LRRTM4: variants seen among roughly 807,000 people sequenced by gnomAD.
LRRTM4 encodes leucine rich repeat transmembrane neuronal 4, also known as leucine-rich repeat transmembrane neuronal protein 4.
Under a neutral mutation model 47.6 loss-of-function variants are expected in LRRTM4, and 25 were observed. The observed-to-expected ratio is 0.53, with a 90% confidence interval of 0.38 to 0.73. LRRTM4 has a LOEUF of 0.73. Among genes scored for constraint, LRRTM4 ranks in the 30% least tolerant of loss-of-function variants. The pLI is 0.00. For missense variants in LRRTM4, 638 were observed against 713.4 expected, an observed-to-expected ratio of 0.89 and a Z score of 1.20; for synonymous variants, 311 against 269.5, an observed-to-expected ratio of 1.15 and a Z score of -1.51.
intron 3 of LRRTM4, among the ~76,000 whole-genome samples, chr2:76,820,549 TA>T (rs879659849): frequency 2.6e-4 from 40 of 151,850 alleles, no homozygotes; most frequent in Non-Finnish European, 4.1e-4. Context: ...AAATTTGCGA[TA>T]AAAAAATGAT....
intron 3 of LRRTM4, among the ~76,000 whole-genome samples, chr2:77,197,513 A>G (rs1276802715): frequency 2.0e-5 from 3 of 152,182 alleles, no homozygotes; most frequent in Non-Finnish European, 4.4e-5. Flanking sequence ...ACATCTTACA[A>G]CTTTCTATTC....
chr2:77,189,745 T>C (rs1489901849), intron 3 of LRRTM4, among the ~76,000 whole-genome samples: 2 of 150,810 alleles, frequency 1.3e-5, no homozygotes, highest in Non-Finnish European at 2.9e-5. Context: ...ATACTTTATA[T>C]ATACTTTATA....
intron 3 of LRRTM4, among the ~76,000 whole-genome samples, chr2:77,452,132 G>C (rs1055210928): frequency 6.6e-6 from 1 of 151,622 alleles, no homozygotes; most frequent in African/African-American, 2.4e-5. Flanking sequence ...GTTTTAATTA[G>C]AGGAGTCTCA....
intron 3 of LRRTM4, among the ~76,000 whole-genome samples, chr2:76,893,020 A>G (rs17333446): frequency 0.12 from 17,385 of 151,044 alleles, 1,322 homozygotes; most frequent in Non-Finnish European, 0.16. Flanking sequence ...TTTGAACCAC[A>G]GAGAAACAAT....
At chr2:76,871,603 A>C (rs1402775198) in intron 3 of LRRTM4, among the ~76,000 whole-genome samples, 1 of 152,208 alleles carries the variant, frequency 6.6e-6, no homozygotes, top group African/African-American at 2.4e-5. Flanking sequence ...TCCTTTTGGC[A>C]TTCAGACTTC....
chr2:77,283,959 C>T (rs1676582084), intron 3 of LRRTM4, among the ~76,000 whole-genome samples: 1 of 151,894 alleles, frequency 6.6e-6, no homozygotes, highest in African/African-American at 2.4e-5. Flanking sequence ...GCACATGAAG[C>T]CCCTGAATAT....
intron 3 of LRRTM4, among the ~76,000 whole-genome samples, chr2:77,362,235 T>G (rs1672271819): frequency 6.6e-6 from 1 of 152,080 alleles, no homozygotes; most frequent in Admixed American, 6.5e-5. Flanking sequence ...CAGATTTAAT[T>G]CCGAGGCAGA....
At chr2:77,249,040 T>C (rs1675527738) in intron 3 of LRRTM4, among the ~76,000 whole-genome samples, 2 of 152,144 alleles carry the variant, frequency 1.3e-5, no homozygotes, top group Non-Finnish European at 2.9e-5. Context: ...ATTGATAAAC[T>C]GAAATTCATT....
chr2:76,850,729 A>G (rs77815136), intron 3 of LRRTM4, among the ~76,000 whole-genome samples: 14,906 of 152,166 alleles, frequency 0.098, 1,256 homozygotes, highest in East Asian at 0.41. Context: ...GTGTATTCAC[A>G]CATGTGCTTC....
At chr2:77,318,169 G>A (rs1048732557) in intron 3 of LRRTM4, among the ~76,000 whole-genome samples, 4 of 151,810 alleles carry the variant, frequency 2.6e-5, no homozygotes, top group Admixed American at 6.6e-5. Context: ...ACCACGCCCC[G>A]CTAATTTTTT....
intron 3 of LRRTM4, among the ~76,000 whole-genome samples, chr2:77,359,327 T>C (rs1672091688): frequency 6.6e-6 from 1 of 152,172 alleles, no homozygotes; most frequent in Non-Finnish European, 1.5e-5. Flanking sequence ...GAGATTTTTA[T>C]ATAATCAATC....
intron 3 of LRRTM4, among the ~76,000 whole-genome samples, chr2:77,201,079 G>A (rs918645317): frequency 2.0e-5 from 3 of 152,048 alleles, no homozygotes; most frequent in Non-Finnish European, 4.4e-5. Context: ...TTCAGGAGGG[G>A]ATTCTCCTTT....
At chr2:76,890,526 A>C (rs1011811414) in intron 3 of LRRTM4, among the ~76,000 whole-genome samples, 61 of 152,098 alleles carry the variant, frequency 4.0e-4, no homozygotes, top group African/African-American at 1.5e-3. Flanking sequence ...GACTCAGTTA[A>C]CACTTTAATA....
chr2:76,802,337 C>G (rs1675743108), intron 3 of LRRTM4, among the ~76,000 whole-genome samples: 2 of 151,056 alleles, frequency 1.3e-5, no homozygotes, highest in African/African-American at 4.9e-5. Flanking sequence ...TAACAACAAA[C>G]TACACAAATA....
chr2:76,781,863 TC>T (rs1156579126), intron 3 of LRRTM4, among the ~76,000 whole-genome samples: 1 of 152,226 alleles, frequency 6.6e-6, no homozygotes, highest in Non-Finnish European at 1.5e-5. Flanking sequence ...AAATATTTTT[TC>T]TCCTCAATGG....
chr2:76,902,153 T>C (rs898775127), intron 3 of LRRTM4, among the ~76,000 whole-genome samples: 1 of 152,146 alleles, frequency 6.6e-6, no homozygotes, highest in Non-Finnish European at 1.5e-5. Context: ...CTTAACTATA[T>C]CTATTTAAGT....
At chr2:77,094,964 A>C (rs1331476600) in intron 3 of LRRTM4, among the ~76,000 whole-genome samples, 5 of 152,238 alleles carry the variant, frequency 3.3e-5, no homozygotes, top group Non-Finnish European at 7.3e-5. Context: ...TCTGTAAAGC[A>C]AAACAATTAA....
chr2:76,777,978 G>C (rs1452158324), intron 3 of LRRTM4, among the ~76,000 whole-genome samples: 2 of 147,746 alleles, frequency 1.4e-5, no homozygotes, highest in Non-Finnish European at 3.0e-5. Flanking sequence ...AAGGGTTGTT[G>C]AATTTTGTCA....
intron 3 of LRRTM4, among the ~76,000 whole-genome samples, chr2:77,256,257 T>A (rs1191468750): frequency 1.3e-5 from 2 of 152,114 alleles, no homozygotes; most frequent in South Asian, 2.1e-4. Flanking sequence ...CCAATATCAA[T>A]TAAGAAATTT....
Sources: allele counts gnomAD v4.1 joint callset (sites outside exome capture counted in the v4.1 genomes callset), GRCh38; gene constraint gnomAD v4.1.1; transcripts MANE v1.5; gene names NCBI Gene and HGNC (gene_info 2026-07-23, HGNC 2026-07-21).